Variants in GAS7 observed in about 807,000 individuals in gnomAD.
The protein encoded by GAS7 is growth arrest specific 7, also known as growth arrest-specific protein 7.
GAS7 carries 28 observed loss-of-function variants against 71.1 expected under a neutral mutation model. The observed-to-expected ratio is 0.39, with a 90% CI of 0.29 to 0.54. GAS7 has a LOEUF of 0.54. Ranked by LOEUF, GAS7 falls within the 20% of genes least tolerant of loss-of-function variation. The pLI, the probability that GAS7 is intolerant of heterozygous loss-of-function variation, is 0.62. For synonymous variants in GAS7, 258 were observed against 245.8 expected (o/e 1.05, Z -0.46); for missense variants, 436 against 627.8 (o/e 0.69, Z 3.27).
intron 1 of GAS7, among the ~76,000 whole-genome samples, chr17:10,039,266 G>C (rs1262832220): frequency 6.6e-6 from 1 of 150,426 alleles, no homozygotes; most frequent in Non-Finnish European, 1.5e-5. Context: ...AGATAGTTTA[G>C]ATCAAAAGAC....
intron 1 of GAS7, among the ~76,000 whole-genome samples, chr17:10,102,411 G>C (rs753815400): frequency 6.6e-6 from 1 of 151,978 alleles, no homozygotes; most frequent in Non-Finnish European, 1.5e-5. Context: ...AGAGTTTCCA[G>C]CATAGTAGTC....
intron 1 of GAS7, among the ~76,000 whole-genome samples, chr17:10,192,970 C>T (rs1055959892): frequency 3.3e-5 from 5 of 152,080 alleles, no homozygotes; most frequent in African/African-American, 1.2e-4. Context: ...CTGAAAAATA[C>T]TAGCATGAGG....
intron 1 of GAS7, among the ~76,000 whole-genome samples, chr17:10,088,752 C>G (rs2073549395): frequency 6.6e-6 from 1 of 152,030 alleles, no homozygotes; most frequent in Non-Finnish European, 1.5e-5. Flanking sequence ...AGACAAAAAA[C>G]CCAGGGAAGG....
At chr17:9,988,993 A>C (rs529074571) in intron 2 of GAS7, among the ~76,000 whole-genome samples, 4 of 151,752 alleles carry the variant, frequency 2.6e-5, no homozygotes, top group East Asian at 3.9e-4. Context: ...GGACTACAGG[A>C]GCCTGCCACC....
In GAS7 at chr17:9,997,456, C is replaced by A. The variant is rs373699681; in HGVS notation, c.305-15572G>T. Reference sequence around the variant, plus strand: ...GACAACCATTTGCTACATCTGATAACATAGGAAAAACTAAACTGTTTCTCC... The same window carrying A: ...GACAACCATTTGCTACATCTGATAAAATAGGAAAAACTAAACTGTTTCTCC... On this transcript the variant is annotated intron_variant, in intron 2 of 13. Coordinates refer to ENST00000432992, the MANE Select transcript of GAS7 (RefSeq NM_201433.2). Among the ~76,000 whole-genome samples the A allele has an allele frequency of 2.6e-5, 4 of 152,256 alleles. No homozygotes were observed. The South Asian group carries it at 8.3e-4, about 32-fold the overall frequency.
chr17:10,005,326 T>TACAC (rs543450625), intron 2 of GAS7, among the ~76,000 whole-genome samples: 109 of 150,496 alleles, frequency 7.2e-4, no homozygotes, highest in East Asian at 6.9e-3. Flanking sequence ...CACATATATA[T>TACAC]ATACACACAC....
intron 9 of GAS7, chr17:9,927,067 C>T: frequency 3.0e-6 from 1 of 334,818 alleles, no homozygotes; most frequent in Non-Finnish European, 5.5e-6. Flanking sequence ...GCTTCTGCAG[C>T]TTTTAAATTT....
intron 1 of GAS7, among the ~76,000 whole-genome samples, chr17:10,179,544 A>T (rs1027185064): frequency 6.6e-6 from 1 of 152,154 alleles, no homozygotes; most frequent in African/African-American, 2.4e-5. Flanking sequence ...ATTTTATCAC[A>T]TGCAGGGAGG....
At chr17:10,145,304 GA>G (rs955219344) in intron 1 of GAS7, among the ~76,000 whole-genome samples, 3 of 152,258 alleles carry the variant, frequency 2.0e-5, no homozygotes, top group Non-Finnish European at 4.4e-5. Context: ...AAGCACGGGG[GA>G]AAGTACACAG....
At chr17:10,083,830 T>C (rs1166700698) in intron 1 of GAS7, among the ~76,000 whole-genome samples, 1 of 152,214 alleles carries the variant, frequency 6.6e-6, no homozygotes, top group Admixed American at 6.5e-5. Flanking sequence ...GAAGTGGGCC[T>C]GGCAGTACAG....
At chr17:10,133,900 T>C (rs572193661) in intron 1 of GAS7, among the ~76,000 whole-genome samples, 1 of 152,286 alleles carries the variant, frequency 6.6e-6, no homozygotes, top group South Asian at 2.1e-4. Flanking sequence ...GGTGGAATAG[T>C]TTGCCATTGT....
chr17:10,010,570 G>A lies in GAS7; in HGVS notation c.304+9207C>T, dbSNP rs2071730235. On this transcript the variant is annotated intron_variant, in intron 2 of 13. Coordinates refer to ENST00000432992, the MANE Select transcript of GAS7 (RefSeq NM_201433.2). ...GCAACTACAGATACCCTCAACTTAT[G>A]ACAGGGCTATATACTGAGAAACCCA... Among the ~76,000 whole-genome samples the A allele has an allele frequency of 1.3e-5, 2 of 152,158 alleles. 1 individual carries two copies. Among genetic ancestry groups the A allele is most frequent in the African/African-American group, 4.8e-5 (2 of 41,426 alleles).
intron 1 of GAS7, chr17:10,036,769 A>C: frequency 3.4e-6 from 4 of 1,175,094 alleles, no homozygotes; most frequent in East Asian, 3.9e-5. Flanking sequence ...TTTTTTTCCC[A>C]CTCTCCCTCT....
rs528905074 is a variant in GAS7 at position 10,110,075 on chromosome 17, A to G, written c.183+88133T>C. Among the ~76,000 whole-genome samples the G allele has an allele frequency of 2.4e-4, 36 of 147,694 alleles. 1 individual carries two copies. In the South Asian group the frequency reaches 4.3e-3, roughly 18 times the overall value. On this transcript the variant is annotated intron_variant, in intron 1 of 13. Transcript: ENST00000432992. ...TCTCAAAAAAAAAAAAAAAAAAAAGATATCAAAGAGATACCTGTACTCACA... is the reference window on the plus strand; with the variant it reads ...TCTCAAAAAAAAAAAAAAAAAAAAGGTATCAAAGAGATACCTGTACTCACA...
chr17:10,010,048 C>T (rs1483239932), intron 2 of GAS7, among the ~76,000 whole-genome samples: 2 of 152,174 alleles, frequency 1.3e-5, no homozygotes, highest in Non-Finnish European at 2.9e-5. Flanking sequence ...GCAGTCTGGT[C>T]ACAGCTTGGC....
At chr17:10,102,978 G>C (rs1032018393) in intron 1 of GAS7, among the ~76,000 whole-genome samples, 1 of 152,082 alleles carries the variant, frequency 6.6e-6, no homozygotes, top group Non-Finnish European at 1.5e-5. Flanking sequence ...GTGGAATCTC[G>C]ATCCTCAGAG....
rs2072474064 is a variant in GAS7 at position 10,026,770 on chromosome 17, T to G, written c.184-6873A>C. On this transcript the variant is annotated intron_variant, in intron 1 of 13. Transcript: ENST00000432992. The surrounding 1 kb of genome is among the most constrained non-coding windows in gnomAD (Gnocchi z 4.5). ...AGGTGGGCAGACTCCTACACAGAGC[T>G]GGGAACAGCTACCCGAGAAGGATAC... 6.6e-6 allele frequency among the ~76,000 whole-genome samples: 1 copy of G among 152,180 alleles called. No individual in the cohort carries two copies.
intron 1 of GAS7, among the ~76,000 whole-genome samples, chr17:10,031,229 G>A (rs908234950): frequency 2.0e-5 from 3 of 152,202 alleles, no homozygotes; most frequent in African/African-American, 4.8e-5. Context: ...CATTGGGTAT[G>A]TTTGTCAAGA....
At chr17:10,044,792 C>T (rs984645776) in intron 1 of GAS7, among the ~76,000 whole-genome samples, 8 of 152,106 alleles carry the variant, frequency 5.3e-5, no homozygotes, top group South Asian at 2.1e-4. Flanking sequence ...CGGTGGCTCA[C>T]GCCTGTAATC....
Sources: allele counts gnomAD v4.1 joint callset (sites outside exome capture counted in the v4.1 genomes callset), GRCh38; gene constraint gnomAD v4.1.1; non-coding constraint Gnocchi (gnomAD v3.1); transcripts MANE v1.5; gene names NCBI Gene and HGNC (gene_info 2026-07-23, HGNC 2026-07-21).